SOX30: variants seen among roughly 807,000 people sequenced by gnomAD.
The protein encoded by SOX30 is transcription factor SOX-30.
A neutral mutation model predicts 58.6 loss-of-function variants in SOX30; 17 were observed. The ratio of observed to expected loss-of-function variants is 0.29; its 90% confidence interval spans 0.20 to 0.44. The LOEUF (loss-of-function observed/expected upper bound fraction) is 0.44, where lower values mean the gene tolerates loss of function less well. Ranked by LOEUF, SOX30 falls within the 20% of genes least tolerant of loss-of-function variation. The pLI is 1.00. For missense variants in SOX30, 951 were observed against 965.8 expected (o/e 0.98, Z 0.20); for synonymous variants, 421 against 400.2 (o/e 1.05, Z -0.62).
chr5:157,634,124 T>C (rs1758871121), intron 4 of SOX30, among the ~76,000 whole-genome samples: 1 of 152,232 alleles, frequency 6.6e-6, no homozygotes, highest in African/African-American at 2.4e-5. Flanking sequence ...TGTCCATCTG[T>C]TTTGTAAAAT....
chr5:157,653,055 T>G (rs1203484965), upstream of SOX30, among the ~76,000 whole-genome samples: 1 of 152,176 alleles, frequency 6.6e-6, no homozygotes, highest in African/African-American at 2.4e-5. Context: ...GTAATTGTGG[T>G]TTTTGCCATT....
intron 4 of SOX30, 107 bp downstream of exon 4, chr5:157,638,123 G>A: frequency 2.7e-6 from 3 of 1,115,906 alleles, no homozygotes; most frequent in Non-Finnish European, 3.7e-6. Flanking sequence ...CAGAATTGAA[G>A]AAGTCTGCTT....
chr5:157,667,855 G>A (rs1419558585), intron 1 of SOX30: 3 of 1,535,310 alleles, frequency 2.0e-6, no homozygotes, highest in Non-Finnish European at 2.6e-6. Flanking sequence ...TCCATGACCT[G>A]GAACAAAAAG....
At chr5:157,654,431 TGTAA>T (rs755373831), upstream of SOX30, among the ~76,000 whole-genome samples, 10 of 152,330 alleles carry the variant, frequency 6.6e-5, no homozygotes, top group South Asian at 6.2e-4. Flanking sequence ...TAGCTGACTC[TGTAA>T]GTGTCAGTCC....
At position 157,629,461 on chromosome 5, in the gene SOX30, C is replaced by T. The variant is rs548429284; in HGVS notation, c.1881-2740G>A. On this transcript the variant is annotated intron_variant, in intron 4 of 4. Transcript: ENST00000265007. The stretch of plus-strand genomic sequence containing the variant: ...ATTAGACATGTGCTAAAGTCTATAA[C>T]GCCAGCATTATAGTGACTATTTTGG... Among the ~76,000 whole-genome samples the T allele has an allele frequency of 3.3e-5, 5 of 152,126 alleles. No homozygotes were observed. The South Asian group carries it at 6.2e-4, about 19-fold the overall frequency.
Position 157,652,335 on chromosome 5 carries a change from A to G in SOX30, c.-257T>C. 2 of 1,208,240 alleles carry G rather than the reference A, an allele frequency of 1.7e-6. No homozygotes were observed. Among genetic ancestry groups the G allele is most frequent in the Non-Finnish European group, 2.1e-6 (2 of 973,832 alleles). 74.8% of individuals were successfully genotyped at this position (1,208,240 alleles called of 1,614,324 possible). A position where few individuals can be genotyped will look rare whatever the true frequency, so the allele number is the denominator to read the frequency against. ...GAGTCCTCGAATCACCTGCCATGGT[A>G]GGAGCCGCCGCACTTGTTGCACATT... is the stretch of plus-strand genomic sequence containing the variant. On this transcript the variant is annotated 5_prime_UTR_variant, in exon 1 of 5. Coordinates refer to ENST00000265007, the MANE Select transcript of SOX30 (RefSeq NM_178424.2).
rs960158412 is a variant in SOX30, at chr5:157,626,436, G to C, written c.2166C>G (p.Val722=). 1 of 1,614,174 alleles carries C rather than the reference G, an allele frequency of 6.2e-7. No individual in the cohort carries two copies. Among genetic ancestry groups the C allele is most frequent in the South Asian group, 1.1e-5 (1 of 91,084 alleles). ...AAGGAGTTGATGTCGGGGCTGTGAA[G>C]ACATTCTCCAAGGTTCCAATGTCCA... is the stretch of plus-strand genomic sequence containing the variant. ...PQLDIGTLEN[V]FTAPTSTPSS... The change falls in exon 5 of 5, where the codon GTC becomes GTG. Residue 722 remains valine (V), a synonymous_variant. Coordinates refer to ENST00000265007, the MANE Select transcript of SOX30 (RefSeq NM_178424.2).
In SOX30 at chr5:157,657,988, C is replaced by T. The variant is rs1186555148; in HGVS notation, c.53-9092G>A. On this transcript the variant is annotated intron_variant, in intron 2 of 5. Transcript: ENST00000519442. ...GCCTCAGACCTTGTCTACAACAGCC[C>T]CTGTACAGGGTTTCTGACCTGTGGT... Among the ~76,000 whole-genome samples the T allele has an allele frequency of 2.0e-5, 3 of 152,100 alleles. No individual in the cohort carries two copies. The East Asian group carries it at 5.8e-4, about 29-fold the overall frequency.
At position 157,652,155 on chromosome 5, in the gene SOX30, A is replaced by G; in HGVS notation, c.-77T>C. On this transcript the variant is annotated 5_prime_UTR_variant, in exon 1 of 5. Coordinates refer to ENST00000265007, the MANE Select transcript of SOX30 (RefSeq NM_178424.2). Reference sequence around the variant, plus strand: ...ACCTTCCCCCTCCCCCTTTCGGTTAAGAGCCTTGCAAGGCCTTTGCTACCC... The same window carrying G: ...ACCTTCCCCCTCCCCCTTTCGGTTAGGAGCCTTGCAAGGCCTTTGCTACCC... 1 of 1,378,168 alleles carries G rather than the reference A, an allele frequency of 7.3e-7. No homozygotes were observed. The highest frequency in any genetic ancestry group is 2.9e-5 in the East Asian group (1 of 34,684). The allele number at this position is 1,378,168 out of a possible 1,614,324, so 85.4% of individuals were successfully genotyped here.
upstream of SOX30, among the ~76,000 whole-genome samples, chr5:157,653,014 C>G (rs1027169443): frequency 2.6e-5 from 4 of 152,340 alleles, no homozygotes; most frequent in African/African-American, 9.6e-5. Context: ...ATCTAACCTC[C>G]TACTACTGCT....
chr5:157,647,823 T>A (rs1048717994), intron 2 of SOX30, among the ~76,000 whole-genome samples: 26 of 151,278 alleles, frequency 1.7e-4, no homozygotes, highest in Non-Finnish European at 2.7e-4. Context: ...CCTCCCAAAG[T>A]GCTGGGATTA....
At position 157,651,786 on chromosome 5, in the gene SOX30, G is replaced by C; in HGVS notation, c.293C>G (p.Ala98Gly). The C allele has an allele frequency of 6.4e-7, 1 of 1,570,674 alleles. No homozygotes were observed. The highest frequency in any genetic ancestry group is 8.6e-7 in the Non-Finnish European group (1 of 1,161,926). Residue 98 changes from alanine to glycine, a missense_variant, in exon 1 of 5, where the codon GCG (alanine) becomes GGG (glycine). This residue lies in a region of SOX30 where 363 missense variants were observed against 294.5 expected (regional missense o/e 1.23). Transcript: ENST00000265007. Reference sequence around the variant, plus strand: ...GTCGGGCCTGAACTGCAACAGCCGCGCCTGCGCGGACGAGGCAGCGGCTTC... The same window carrying C: ...GTCGGGCCTGAACTGCAACAGCCGCCCCTGCGCGGACGAGGCAGCGGCTTC... ...NEEAAASSAQ[A>G]RLLQFRPDLR...
At chr5:157,668,415 G>A (rs1328315630) in intron 1 of SOX30, among the ~76,000 whole-genome samples, 3 of 152,148 alleles carry the variant, frequency 2.0e-5, no homozygotes, top group African/African-American at 7.2e-5. Context: ...GGGAGCAGGG[G>A]GAGGTAGGTA....
chr5:157,627,878 C>T (rs1312760065), intron 4 of SOX30, among the ~76,000 whole-genome samples: 1 of 151,926 alleles, frequency 6.6e-6, no homozygotes, highest in East Asian at 1.9e-4. Flanking sequence ...CCTGTAGTCC[C>T]AGCTACTCAG....
intron 3 of SOX30, among the ~76,000 whole-genome samples, chr5:157,646,296 C>T (rs994727517): frequency 4.5e-4 from 69 of 152,150 alleles, no homozygotes; most frequent in Non-Finnish European, 1.3e-4. Flanking sequence ...ACCCCATTAG[C>T]AAGGCAGTCT....
At chr5:157,646,531 T>C (rs949465896) in intron 3 of SOX30, 106 bp downstream of exon 3, 1 of 797,370 alleles carries the variant, frequency 1.3e-6, no homozygotes, top group Non-Finnish European at 2.0e-6. Flanking sequence ...TTTCTTAACA[T>C]TGTTGTTCCA....
chr5:157,649,506 T>C (rs1759275328), intron 1 of SOX30, among the ~76,000 whole-genome samples: 1 of 152,208 alleles, frequency 6.6e-6, no homozygotes, highest in South Asian at 2.1e-4. Context: ...AATAATTTTT[T>C]GGGCCAGGTA....
At chr5:157,634,411 C>T (rs1400199882) in intron 4 of SOX30, among the ~76,000 whole-genome samples, 1 of 152,048 alleles carries the variant, frequency 6.6e-6, no homozygotes, top group African/African-American at 2.4e-5. Flanking sequence ...GAGACAAGGT[C>T]TCACTAAATT....
chr5:157,642,997 T>C (rs989525064), intron 3 of SOX30, among the ~76,000 whole-genome samples: 10 of 152,106 alleles, frequency 6.6e-5, no homozygotes, highest in Non-Finnish European at 1.3e-4. Context: ...TCAACTACAG[T>C]ATAATGACAA....
Sources: gnomAD v4.1 joint callset for allele counts (sites outside exome capture counted in the v4.1 genomes callset) on GRCh38, gnomAD v4.1.1 for gene constraint, gnomAD v4.1.1 regional missense constraint, MANE v1.5 for transcripts, NCBI Gene and HGNC (gene_info 2026-07-23, HGNC 2026-07-21) for gene names.